AGBL4: variants seen among roughly 807,000 people sequenced by gnomAD.
The protein encoded by AGBL4 is AGBL carboxypeptidase 4.
In AGBL4, 58 loss-of-function variants were observed where a neutral mutation model predicts 66.4. The ratio of observed to expected loss-of-function variants is 0.87; its 90% CI spans 0.71 to 1.09. The LOEUF (loss-of-function observed/expected upper bound fraction) is 1.09, where lower values mean the gene tolerates loss of function less well. Ranked by LOEUF, AGBL4 falls within the 50% of genes least tolerant of loss-of-function variation. The pLI is 0.00. For synonymous variants in AGBL4, 234 were observed against 222.9 expected (o/e 1.05, Z -0.44); for missense variants, 579 against 631.0 (o/e 0.92, Z 0.88).
intron 4 of AGBL4, among the ~76,000 whole-genome samples, chr1:49,078,956 C>A (rs1012695051): frequency 6.6e-6 from 1 of 151,774 alleles, no homozygotes; most frequent in Non-Finnish European, 1.5e-5. Context: ...CAAGTTCTAC[C>A]TCTCATCCAA....
At chr1:49,039,057 T>C (rs1001110408) in intron 5 of AGBL4, among the ~76,000 whole-genome samples, 6 of 152,086 alleles carry the variant, frequency 3.9e-5, no homozygotes, top group African/African-American at 7.2e-5. Context: ...TGGAGTAAAC[T>C]TAAGTGCATG....
intron 2 of AGBL4, among the ~76,000 whole-genome samples, chr1:49,767,128 T>C (rs1652787785): frequency 6.6e-6 from 1 of 152,088 alleles, no homozygotes; most frequent in African/African-American, 2.4e-5. Context: ...CTACACAACA[T>C]TCTGCCAATC....
In AGBL4 at chr1:48,867,206, T is replaced by C. The variant is rs891703839; in HGVS notation, c.619A>G (p.Thr207Ala). ...SVQQRKLDLL[T>A]ITSPDNLREG... ...GCCTACTCACCAGGGCTGGTTATCG[T>C]CAGGAGGTCAAGCTTTCGTTGTTGC... Residue 207 changes from threonine (T) to alanine (A), a missense_variant, in exon 6 of 14, where the codon ACG becomes GCG. Transcript: ENST00000371839. 6.2e-7 allele frequency: 1 copy of C among 1,613,614 alleles called. No homozygotes were observed. The highest frequency in any genetic ancestry group is 8.5e-7 in the Non-Finnish European group (1 of 1,179,764).
intron 4 of AGBL4, among the ~76,000 whole-genome samples, chr1:49,071,479 T>TC (rs1290715315): frequency 1.3e-5 from 2 of 151,998 alleles, no homozygotes; most frequent in Non-Finnish European, 2.9e-5. Flanking sequence ...ACATCTTTAT[T>TC]TCTGCCTTCA....
In AGBL4 at chr1:48,587,038, G is replaced by A; in HGVS notation, c.1233C>T (p.Gly411=). 6.2e-7 allele frequency: 1 copy of A among 1,609,576 alleles called. No individual in the cohort carries two copies. The highest frequency in any genetic ancestry group is 8.5e-7 in the Non-Finnish European group (1 of 1,178,198). The part of the protein sequence containing the change: ...EVSFYSYIIS[G]TTAAVPYTEE... Reference sequence around the variant, plus strand: ...CAGTGTAGGGCACAGCAGCCGTGGTGCCACTGATGATGTAGCTGTAGAAGG... The same window carrying A: ...CAGTGTAGGGCACAGCAGCCGTGGTACCACTGATGATGTAGCTGTAGAAGG... Residue 411 remains glycine, a synonymous_variant, in exon 11 of 14, where the codon GGC becomes GGT. Transcript: ENST00000371839.
intron 3 of AGBL4, among the ~76,000 whole-genome samples, chr1:49,570,494 C>T (rs534922488): frequency 2.4e-4 from 37 of 152,148 alleles, no homozygotes; most frequent in Non-Finnish European, 4.7e-4. Flanking sequence ...TATTAATCCT[C>T]TGTTAGATGC....
intron 2 of AGBL4, chr1:49,845,071 C>A (rs1646101817): frequency 6.9e-7 from 1 of 1,448,266 alleles, no homozygotes; most frequent in Non-Finnish European, 9.5e-7. Flanking sequence ...AAAAGAGAAA[C>A]CCTACAAATG....
At chr1:48,893,798 A>G (rs1651233164) in intron 5 of AGBL4, among the ~76,000 whole-genome samples, 1 of 152,194 alleles carries the variant, frequency 6.6e-6, no homozygotes, top group Non-Finnish European at 1.5e-5. Flanking sequence ...GCAACCTGAG[A>G]GAGGGCCCTC....
At chr1:49,845,695 C>A in intron 2 of AGBL4, 1 of 1,599,220 alleles carries the variant, frequency 6.3e-7, no homozygotes, top group Admixed American at 1.7e-5. Flanking sequence ...AGCCTTCAGC[C>A]AGAGCACATT....
intron 2 of AGBL4, among the ~76,000 whole-genome samples, chr1:49,769,885 T>C (rs149915477): frequency 1.3e-5 from 2 of 152,238 alleles, no homozygotes; most frequent in East Asian, 3.9e-4. Flanking sequence ...AGAAATACCA[T>C]TCAGAACATT....
At chr1:48,761,575 C>T in intron 6 of AGBL4, 1 of 1,229,206 alleles carries the variant, frequency 8.1e-7, no homozygotes, top group Non-Finnish European at 1.1e-6. Flanking sequence ...TGAGGCCAGA[C>T]CAGTTAAAAA....
chr1:49,858,383 G>A (rs1037112464), intron 1 of AGBL4, among the ~76,000 whole-genome samples: 2 of 151,950 alleles, frequency 1.3e-5, no homozygotes, highest in Non-Finnish European at 2.9e-5. Flanking sequence ...TCCAGTACAG[G>A]ATATTTATCT....
At chr1:49,461,491 CCTTT>C (rs1483839297) in intron 3 of AGBL4, among the ~76,000 whole-genome samples, 1 of 150,306 alleles carries the variant, frequency 6.7e-6, no homozygotes, top group Admixed American at 6.6e-5. Flanking sequence ...GAAGAATTTT[CCTTT>C]CTTTTTTTTT....
At chr1:49,956,921 T>C (rs1380829056) in intron 1 of AGBL4, among the ~76,000 whole-genome samples, 1 of 151,946 alleles carries the variant, frequency 6.6e-6, no homozygotes, top group Non-Finnish European at 1.5e-5. Context: ...CCCTAGATTG[T>C]GGAGAGCTTT....
At chr1:49,326,995 G>T (rs990417256) in intron 3 of AGBL4, among the ~76,000 whole-genome samples, 12 of 151,978 alleles carry the variant, frequency 7.9e-5, no homozygotes, top group African/African-American at 2.9e-4. Context: ...CTGGCTTGTG[G>T]CTCCTTCTAT....
At chr1:49,168,818 T>C (rs529381514) in intron 4 of AGBL4, among the ~76,000 whole-genome samples, 2 of 152,334 alleles carry the variant, frequency 1.3e-5, no homozygotes, top group East Asian at 3.9e-4. Flanking sequence ...AGTGCACTGG[T>C]TGCATACCAT....
intron 11 of AGBL4, among the ~76,000 whole-genome samples, chr1:48,540,215 C>T (rs1384383481): frequency 6.6e-6 from 1 of 152,164 alleles, no homozygotes; most frequent in Non-Finnish European, 1.5e-5. Context: ...TAACCTCAGG[C>T]ACAATGGTAA....
At chr1:49,581,430 G>A (rs981351080) in intron 3 of AGBL4, among the ~76,000 whole-genome samples, 2 of 152,026 alleles carry the variant, frequency 1.3e-5, no homozygotes, top group African/African-American at 4.8e-5. Flanking sequence ...TGTTTTTCCT[G>A]TGTCTGTATG....
intron 3 of AGBL4, among the ~76,000 whole-genome samples, chr1:49,677,361 T>C (rs1231623352): frequency 6.6e-6 from 1 of 152,158 alleles, no homozygotes; most frequent in East Asian, 1.9e-4. Context: ...GATCATGTGA[T>C]TTTTTTCATC....
Sources: gnomAD v4.1 joint callset for allele counts (sites outside exome capture counted in the v4.1 genomes callset) on GRCh38, gnomAD v4.1.1 for gene constraint, MANE v1.5 for transcripts, NCBI Gene and HGNC (gene_info 2026-07-23, HGNC 2026-07-21) for gene names.